DENND5B: variants seen among roughly 807,000 people sequenced by gnomAD.
DENND5B encodes DENN domain-containing protein 5B.
DENND5B carries 34 observed loss-of-function variants against 140.6 expected under a neutral mutation model. The observed-to-expected ratio is 0.24, with a 90% CI of 0.18 to 0.32. The LOEUF (loss-of-function observed/expected upper bound fraction) is 0.32, where lower values mean the gene tolerates loss of function less well. DENND5B is among the 10% of genes least tolerant of loss of function. The pLI is 1.00. For synonymous variants in DENND5B, 551 were observed against 562.1 expected (o/e 0.98, Z 0.28); for missense variants, 1,142 against 1,560.2 (o/e 0.73, Z 4.52).
At chr12:31,399,276 T>C (rs1289157656) in intron 16 of DENND5B, among the ~76,000 whole-genome samples, 45 of 12,492 alleles carry the variant, frequency 3.6e-3, no homozygotes, top group African/African-American at 8.5e-3. Context: ...CAAACAATTC[T>C]TTTTTTTTTT....
At chr12:31,419,612 A>C (rs908215356) in intron 11 of DENND5B, among the ~76,000 whole-genome samples, 1 of 152,152 alleles carries the variant, frequency 6.6e-6, no homozygotes, top group Non-Finnish European at 1.5e-5. Flanking sequence ...TTAATAGATA[A>C]TTTCTGATGA....
At chr12:31,446,107 T>C (rs1049247560) in intron 6 of DENND5B, among the ~76,000 whole-genome samples, 9 of 152,274 alleles carry the variant, frequency 5.9e-5, no homozygotes, top group African/African-American at 2.2e-4. Flanking sequence ...ATGGACTATA[T>C]TACACTCCTA....
At chr12:31,473,868 A>G (rs1486582847) in intron 3 of DENND5B, among the ~76,000 whole-genome samples, 1 of 152,230 alleles carries the variant, frequency 6.6e-6, no homozygotes, top group African/African-American at 2.4e-5. Context: ...AGATTCTCAC[A>G]TATAGGGAGC....
rs2139347329 is a variant in DENND5B, at chr12:31,564,046, G to A, written c.127+26660C>T. Among the ~76,000 whole-genome samples the A allele has an allele frequency of 2.0e-5, 3 of 152,176 alleles. No homozygotes were observed. The South Asian group carries it at 6.2e-4, about 32-fold the overall frequency. On this transcript the variant is annotated intron_variant, in intron 1 of 20. Transcript: ENST00000389082. ...GCAGGAGAACTGCTTAAGCCCAGAG[G>A]GGCAGAAGTTGCAATGAGCCAGAAT...
chr12:31,564,984 C>G (rs1008929278), intron 1 of DENND5B, among the ~76,000 whole-genome samples: 2 of 152,170 alleles, frequency 1.3e-5, no homozygotes, highest in African/African-American at 4.8e-5. Flanking sequence ...TTAGTATGCT[C>G]TACTTAAAAC....
chr12:31,442,441 A>C (rs1944077967), intron 7 of DENND5B, among the ~76,000 whole-genome samples: 1 of 152,236 alleles, frequency 6.6e-6, no homozygotes, highest in South Asian at 2.1e-4. Context: ...GGAAACTAAC[A>C]CAGATGATAA....
intron 1 of DENND5B, among the ~76,000 whole-genome samples, chr12:31,581,655 T>C (rs1221127141): frequency 6.9e-6 from 1 of 144,190 alleles, no homozygotes; most frequent in Non-Finnish European, 1.5e-5. Context: ...ATCACACCAT[T>C]GCCCTCCAGC....
At chr12:31,587,599 G>A (rs2139529591) in intron 1 of DENND5B, among the ~76,000 whole-genome samples, 1 of 125,472 alleles carries the variant, frequency 8.0e-6, no homozygotes, top group East Asian at 2.7e-4. Flanking sequence ...CCAGGCTGGA[G>A]TGCAGTGGCA....
intron 1 of DENND5B, chr12:31,540,975 T>C (rs1948665230): frequency 8.8e-6 from 4 of 453,726 alleles, no homozygotes; most frequent in South Asian, 3.1e-5. Context: ...CTTCAGTCAA[T>C]GGTGCTGGGA....
intron 1 of DENND5B, among the ~76,000 whole-genome samples, chr12:31,553,580 C>T (rs1592037597): frequency 1.3e-5 from 2 of 152,156 alleles, no homozygotes; most frequent in South Asian, 4.2e-4. Context: ...CTATTAGGTC[C>T]ACTTGGTGCA....
At chr12:31,586,652 A>AT in intron 1 of DENND5B, among the ~76,000 whole-genome samples, 1 of 152,194 alleles carries the variant, frequency 6.6e-6, no homozygotes, top group Non-Finnish European at 1.5e-5. Context: ...ATAAGGTCTT[A>AT]GTCTATTTAA....
At chr12:31,413,668 A>G (rs1231108355) in intron 12 of DENND5B, 104 bp from the exon 13 acceptor site, 4 of 1,272,144 alleles carry the variant, frequency 3.1e-6, no homozygotes. Context: ...TTTATACTTA[A>G]AGGGAGCAAT....
intron 14 of DENND5B, among the ~76,000 whole-genome samples, chr12:31,406,522 G>A (rs1175999442): frequency 6.6e-6 from 1 of 152,118 alleles, no homozygotes; most frequent in Non-Finnish European, 1.5e-5. Flanking sequence ...ACTGAAAGCA[G>A]AAGAGGTTAG....
chr12:31,464,860 T>C (rs923338893), intron 3 of DENND5B, among the ~76,000 whole-genome samples: 1 of 152,124 alleles, frequency 6.6e-6, no homozygotes, highest in Non-Finnish European at 1.5e-5. Context: ...CCACTGTGCC[T>C]GGACATATCT....
At position 31,516,705 on chromosome 12, in the gene DENND5B, A is replaced by G. The variant is rs1220392185; in HGVS notation, c.128-20786T>C. On this transcript the variant is annotated intron_variant, in intron 1 of 20. Coordinates refer to ENST00000389082, the MANE Select transcript of DENND5B (RefSeq NM_144973.4). ...TTCAAGAGCTGACCATCTGATCTAT[A>G]TATTATTTAAGTTCTTTCCTTTGTT... Among the ~76,000 whole-genome samples, 3 of 152,158 alleles carry G rather than the reference A, an allele frequency of 2.0e-5. No homozygotes were observed. The South Asian group carries it at 6.2e-4, about 32-fold the overall frequency.
At chr12:31,476,500 A>C (rs959286294) in intron 3 of DENND5B, among the ~76,000 whole-genome samples, 1 of 151,982 alleles carries the variant, frequency 6.6e-6, no homozygotes. Flanking sequence ...AAAAAACCCA[A>C]ACTATTATCC....
intron 1 of DENND5B, among the ~76,000 whole-genome samples, chr12:31,541,357 G>A (rs533944086): frequency 6.6e-6 from 1 of 151,916 alleles, no homozygotes; most frequent in Admixed American, 6.6e-5. Flanking sequence ...AACTCTACAG[G>A]AAAAAAAATC....
At chr12:31,470,122 T>G (rs1181888469) in intron 3 of DENND5B, among the ~76,000 whole-genome samples, 1 of 144,554 alleles carries the variant, frequency 6.9e-6, no homozygotes, top group East Asian at 2.0e-4. Flanking sequence ...TTTTTTTTTT[T>G]TTTTTTCTTT....
intron 11 of DENND5B, 60 bp downstream of exon 11, chr12:31,423,536 CA>C: frequency 6.5e-7 from 1 of 1,546,312 alleles, no homozygotes. Context: ...AAGACAAGGC[CA>C]AATAGTATTG....
Sources: gnomAD v4.1 joint callset for allele counts (sites outside exome capture counted in the v4.1 genomes callset) on GRCh38, gnomAD v4.1.1 for gene constraint, MANE v1.5 for transcripts, NCBI Gene and HGNC (gene_info 2026-07-23, HGNC 2026-07-21) for gene names.